CREB5: variants seen among roughly 807,000 people sequenced by gnomAD.
The protein encoded by CREB5 is cyclic AMP-responsive element-binding protein 5.
Under a neutral mutation model 57.1 loss-of-function variants are expected in CREB5, and 19 were observed. The ratio of observed to expected loss-of-function variants is 0.33; its 90% CI spans 0.23 to 0.49. The LOEUF is 0.49. CREB5 is among the 20% of genes least tolerant of loss of function. The probability of loss-of-function intolerance (pLI) is 0.99; values close to 1 mark genes in which losing one functional copy is unlikely to be tolerated. For synonymous variants in CREB5, 238 were observed against 238.3 expected (o/e 1.00, Z 0.01); for missense variants, 579 against 671.6 (o/e 0.86, Z 1.52).
chr7:28,413,367 G>A (rs1787888907), intron 1 of CREB5, among the ~76,000 whole-genome samples: 1 of 151,914 alleles, frequency 6.6e-6, no homozygotes, highest in Non-Finnish European at 1.5e-5. Flanking sequence ...GCCCCTGAAG[G>A]ATGATTCTAT....
intron 7 of CREB5, among the ~76,000 whole-genome samples, chr7:28,725,659 A>AAAAAAAG (rs1803296742): frequency 6.7e-6 from 1 of 148,262 alleles, no homozygotes; most frequent in Non-Finnish European, 1.5e-5. Context: ...AAAAAAAAAA[A>AAAAAAAG]AAAGAAAGAA....
rs1398081273 is a variant in CREB5 at position 28,722,782 on chromosome 7, T to G, written c.592-1440T>G. 5.9e-5 allele frequency among the ~76,000 whole-genome samples: 9 copies of G among 152,326 alleles called. No individual in the cohort carries two copies. The East Asian group carries it at 1.4e-3, about 23-fold the overall frequency. On this transcript the variant is annotated intron_variant, in intron 6 of 10. Transcript: ENST00000357727. The stretch of plus-strand genomic sequence containing the variant: ...CATCTGCACACTGCCAGATGACTGA[T>G]CAGCTCATTCAGGCTAAGGTAAGAC...
intron 1 of CREB5, among the ~76,000 whole-genome samples, chr7:28,485,600 G>A (rs528641237): frequency 1.5e-4 from 23 of 152,176 alleles, no homozygotes; most frequent in African/African-American, 3.4e-4. Context: ...CAAGGAATGC[G>A]GTTGCTGAAG....
chr7:28,679,489 G>C (rs1431255707), intron 5 of CREB5, among the ~76,000 whole-genome samples: 1 of 152,154 alleles, frequency 6.6e-6, no homozygotes, highest in Non-Finnish European at 1.5e-5. Flanking sequence ...GTGTAAAAGG[G>C]AGGGGACGAA....
chr7:28,549,171 C>A (rs1309524129), intron 4 of CREB5, among the ~76,000 whole-genome samples: 1 of 152,176 alleles, frequency 6.6e-6, no homozygotes, highest in Non-Finnish European at 1.5e-5. Context: ...TGGCTTTTAA[C>A]AGCAATTGCC....
At chr7:28,702,565 G>A (rs905987534) in intron 5 of CREB5, among the ~76,000 whole-genome samples, 14 of 152,266 alleles carry the variant, frequency 9.2e-5, no homozygotes, top group Admixed American at 3.9e-4. Flanking sequence ...CCATCCAGAC[G>A]GAGCAGTGTC....
At chr7:28,576,445 A>T (rs1795913880) in intron 5 of CREB5, among the ~76,000 whole-genome samples, 1 of 152,190 alleles carries the variant, frequency 6.6e-6, no homozygotes, top group Non-Finnish European at 1.5e-5. Context: ...ATATGGGTCT[A>T]TTGGACTCAA....
chr7:28,743,940 G>A (rs1228280539), intron 7 of CREB5, among the ~76,000 whole-genome samples: 4 of 128,560 alleles, frequency 3.1e-5, no homozygotes, highest in African/African-American at 6.0e-5. Context: ...ATGCTGGTGC[G>A]CTGCACCCAC....
intron 5 of CREB5, among the ~76,000 whole-genome samples, chr7:28,706,184 A>G (rs1263926952): frequency 6.6e-6 from 1 of 152,158 alleles, no homozygotes; most frequent in East Asian, 1.9e-4. Flanking sequence ...GCGAAACCCC[A>G]TCTCTACTAA....
intron 5 of CREB5, among the ~76,000 whole-genome samples, chr7:28,676,576 C>T (rs1402435636): frequency 6.6e-6 from 1 of 152,140 alleles, no homozygotes; most frequent in Non-Finnish European, 1.5e-5. Context: ...TACAAGCCTA[C>T]AAATTCAAGA....
intron 5 of CREB5, among the ~76,000 whole-genome samples, chr7:28,696,827 C>CGTATAT (rs1272832026): frequency 2.1e-5 from 3 of 141,376 alleles, no homozygotes; most frequent in African/African-American, 7.4e-5. Context: ...TATACGTATA[C>CGTATAT]ATACACATAC....
intron 4 of CREB5, among the ~76,000 whole-genome samples, chr7:28,532,371 G>A (rs536208933): frequency 2.0e-5 from 3 of 152,326 alleles, no homozygotes; most frequent in Non-Finnish European, 2.9e-5. Context: ...TAGAGAAACC[G>A]TGAGATAATA....
At chr7:28,676,058 A>G (rs753275413) in intron 5 of CREB5, among the ~76,000 whole-genome samples, 111 of 152,080 alleles carry the variant, frequency 7.3e-4, no homozygotes, top group Non-Finnish European at 1.5e-3. Context: ...TGTCAACACA[A>G]AGCTCCTCTG....
At chr7:28,728,695 G>A (rs979016294) in intron 7 of CREB5, among the ~76,000 whole-genome samples, 2 of 152,168 alleles carry the variant, frequency 1.3e-5, no homozygotes, top group East Asian at 1.9e-4. Flanking sequence ...CATCGTGCAA[G>A]CTCCTTGTAC....
At chr7:28,718,473 C>T (rs139529130) in intron 5 of CREB5, among the ~76,000 whole-genome samples, 134 of 152,174 alleles carry the variant, frequency 8.8e-4, no homozygotes, top group African/African-American at 3.1e-3. Context: ...AAGATGCGAG[C>T]GTTTAGGAGA....
intron 1 of CREB5, among the ~76,000 whole-genome samples, chr7:28,379,698 A>G (rs1168835123): frequency 1.3e-5 from 2 of 152,198 alleles, no homozygotes; most frequent in Non-Finnish European, 2.9e-5. Flanking sequence ...TTGGGCATCA[A>G]GATTTTAAAA....
chr7:28,622,035 T>C (rs1326059799), intron 5 of CREB5, among the ~76,000 whole-genome samples: 3 of 152,124 alleles, frequency 2.0e-5, no homozygotes, highest in African/African-American at 7.2e-5. Context: ...AAAAAAGATC[T>C]TATTACCAGG....
intron 1 of CREB5, among the ~76,000 whole-genome samples, chr7:28,417,355 T>C (rs1228222294): frequency 1.7e-4 from 24 of 141,442 alleles, no homozygotes; most frequent in Admixed American, 2.8e-4. Flanking sequence ...TTCTCTCTCT[T>C]TTTTTTTTTT....
intron 1 of CREB5, among the ~76,000 whole-genome samples, chr7:28,417,785 C>T (rs1402227710): frequency 6.6e-6 from 1 of 151,790 alleles, no homozygotes; most frequent in African/African-American, 2.4e-5. Context: ...GCAGTTGTTA[C>T]AAGCATGCTG....
Sources: allele counts gnomAD v4.1 joint callset (sites outside exome capture counted in the v4.1 genomes callset), GRCh38; gene constraint gnomAD v4.1.1; transcripts MANE v1.5; gene names NCBI Gene and HGNC (gene_info 2026-07-23, HGNC 2026-07-21).